PPP1R13B: variants seen among roughly 807,000 people sequenced by gnomAD.
PPP1R13B encodes apoptosis-stimulating of p53 protein 1.
A neutral mutation model predicts 119.8 loss-of-function variants in PPP1R13B; 44 were observed. That is an observed-to-expected ratio of 0.37 (90% CI 0.29 to 0.47). PPP1R13B has a LOEUF of 0.47. Ranked by LOEUF, PPP1R13B falls within the 20% of genes least tolerant of loss-of-function variation. The pLI is 0.99. For missense variants in PPP1R13B, 1,227 were observed against 1,413.5 expected (o/e 0.87, Z 2.12); for synonymous variants, 542 against 561.5 (o/e 0.97, Z 0.49).
intron 1 of PPP1R13B, among the ~76,000 whole-genome samples, chr14:103,832,528 C>T (rs541566821): frequency 4.6e-5 from 7 of 152,336 alleles, no homozygotes; most frequent in East Asian, 1.9e-4. Context: ...TCAGTTTCAA[C>T]GCCAAGTTCC....
intron 1 of PPP1R13B, among the ~76,000 whole-genome samples, chr14:103,799,501 C>G (rs1181491139): frequency 6.6e-6 from 1 of 151,854 alleles, no homozygotes; most frequent in African/African-American, 2.4e-5. Flanking sequence ...TTAGTAGACA[C>G]AGGGTTTCGC....
At chr14:103,761,242 C>T (rs1414473600) in intron 4 of PPP1R13B, among the ~76,000 whole-genome samples, 2 of 145,560 alleles carry the variant, frequency 1.4e-5, no homozygotes, top group Non-Finnish European at 3.0e-5. Flanking sequence ...CCACTGCACT[C>T]CAGCCTAGGG....
chr14:103,801,279 A>G (rs2085894906), intron 1 of PPP1R13B, among the ~76,000 whole-genome samples: 1 of 152,184 alleles, frequency 6.6e-6, no homozygotes, highest in Admixed American at 6.5e-5. Flanking sequence ...TAGGTTTCTT[A>G]ACTGAGCACT....
chr14:103,775,787 C>A (rs1353278516), intron 4 of PPP1R13B, among the ~76,000 whole-genome samples: 2 of 152,124 alleles, frequency 1.3e-5, no homozygotes, highest in Non-Finnish European at 2.9e-5. Context: ...TGAAGCAGAT[C>A]CGCCTGGAAG....
intron 1 of PPP1R13B, among the ~76,000 whole-genome samples, chr14:103,802,804 G>C (rs998836203): frequency 6.6e-6 from 1 of 152,028 alleles, no homozygotes; most frequent in Non-Finnish European, 1.5e-5. Context: ...TTGTAAATCT[G>C]GATATTTTTA....
At chr14:103,826,680 C>A (rs1324037767) in intron 1 of PPP1R13B, among the ~76,000 whole-genome samples, 2 of 150,244 alleles carry the variant, frequency 1.3e-5, no homozygotes, top group East Asian at 3.9e-4. Flanking sequence ...TGAGACCAGC[C>A]TGGGCAACAC....
At chr14:103,806,431 A>G (rs1457159202) in intron 1 of PPP1R13B, among the ~76,000 whole-genome samples, 8 of 152,202 alleles carry the variant, frequency 5.3e-5, no homozygotes, top group Non-Finnish European at 8.8e-5. Flanking sequence ...GTAACTTGCA[A>G]TAACTCACTT....
chr14:103,841,998 T>C (rs908762428), intron 1 of PPP1R13B, among the ~76,000 whole-genome samples: 3 of 152,182 alleles, frequency 2.0e-5, no homozygotes, highest in Non-Finnish European at 2.9e-5. Flanking sequence ...AAGAACCCTA[T>C]TTCCAGTTCA....
At chr14:103,737,503 G>A in intron 15 of PPP1R13B, 191 bp downstream of exon 15, 2 of 623,370 alleles carry the variant, frequency 3.2e-6, no homozygotes, top group Non-Finnish European at 5.1e-6. Flanking sequence ...TTGAGCCCGG[G>A]AGGTCGAGGC....
chr14:103,824,039 C>CTTTTTTTT (rs35194586), intron 1 of PPP1R13B, among the ~76,000 whole-genome samples: 27 of 75,136 alleles, frequency 3.6e-4, no homozygotes, highest in East Asian at 1.3e-3. Context: ...CTACCTCATC[C>CTTTTTTTT]TTTTTTTTTT....
intron 11 of PPP1R13B, 93 bp downstream of exon 11, chr14:103,741,697 C>G: frequency 7.0e-7 from 1 of 1,423,846 alleles, no homozygotes; most frequent in Non-Finnish European, 9.5e-7. Flanking sequence ...CTAAATAGCA[C>G]GTGGCCCAAA....
intron 3 of PPP1R13B, among the ~76,000 whole-genome samples, chr14:103,782,437 C>A (rs956294164): frequency 6.6e-6 from 1 of 152,226 alleles, no homozygotes; most frequent in African/African-American, 2.4e-5. Flanking sequence ...CAGTGAATAA[C>A]CCTGTTTATA....
At chr14:103,751,423 T>C (rs1012267300) in intron 7 of PPP1R13B, among the ~76,000 whole-genome samples, 2 of 152,226 alleles carry the variant, frequency 1.3e-5, no homozygotes, top group African/African-American at 4.8e-5. Flanking sequence ...AATGATGTAA[T>C]ATTTTTTCTA....
chr14:103,787,552 C>T (rs1290860353), intron 2 of PPP1R13B, among the ~76,000 whole-genome samples: 2 of 149,290 alleles, frequency 1.3e-5, no homozygotes, highest in East Asian at 3.9e-4. Flanking sequence ...GGCGTGGTGG[C>T]TTACACCTGA....
chr14:103,779,228 G>A (rs1382985909), intron 3 of PPP1R13B, among the ~76,000 whole-genome samples: 1 of 152,038 alleles, frequency 6.6e-6, no homozygotes, highest in African/African-American at 2.4e-5. Flanking sequence ...GGTCGAGGCT[G>A]CAGTAAGTCA....
rs2084206163 is a variant in PPP1R13B, at chr14:103,739,826, T to C, written c.2590A>G (p.Thr864Ala). 2.5e-6 allele frequency: 4 copies of C among 1,604,338 alleles called. No homozygotes were observed. Among genetic ancestry groups the C allele is most frequent in the Admixed American group, 1.7e-5 (1 of 59,378 alleles). The change falls in exon 12 of 17, where the codon ACG becomes GCG. Residue 864 changes from threonine to alanine, a missense_variant and splice_region_variant. Physicochemically the swap from Thr to Ala is moderately conservative, Grantham distance 58. Coordinates refer to ENST00000202556, the MANE Select transcript of PPP1R13B (RefSeq NM_015316.3). ...PPASHPPATS[T>A]NKRTNLKKPN... is the part of the protein sequence containing the mutation. ...TTTGGTCTAGCAATGACACCCACCG[T>C]GGAGGTGGCAGGAGGGTGGCTGGCA...
chr14:103,846,904 G>C, intron 1 of PPP1R13B: 3 of 892,266 alleles, frequency 3.4e-6, no homozygotes, highest in African/African-American at 3.5e-5. Flanking sequence ...TCCGGGCGCG[G>C]GTGCCCACCC....
chr14:103,816,750 G>A lies in PPP1R13B; in HGVS notation c.10-19232C>T, dbSNP rs147345331. ...TAAACATTTATAGCTGTACCTTAAT[G>A]TCTGCAAATACCAAAAATTCAGTAT... On this transcript the variant is annotated intron_variant, in intron 1 of 16. Transcript: ENST00000202556. Among the ~76,000 whole-genome samples, 4 of 150,572 alleles carry A rather than the reference G, an allele frequency of 2.7e-5. 1 individual carries two copies. Among genetic ancestry groups the A allele is most frequent in the African/African-American group, 9.8e-5 (4 of 40,950 alleles).
intron 1 of PPP1R13B, among the ~76,000 whole-genome samples, chr14:103,832,136 T>C (rs1322276602): frequency 6.6e-6 from 1 of 152,104 alleles, no homozygotes; most frequent in Admixed American, 6.6e-5. Flanking sequence ...TATGTTTCTA[T>C]TGCACACAGC....
Sources: allele counts gnomAD v4.1 joint callset (sites outside exome capture counted in the v4.1 genomes callset), GRCh38; gene constraint gnomAD v4.1.1; transcripts MANE v1.5; gene names NCBI Gene and HGNC (gene_info 2026-07-23, HGNC 2026-07-21).